Variants in RASEF observed in about 807,000 individuals in gnomAD.
The protein encoded by RASEF is ras and EF-hand domain-containing protein.
In RASEF, 68 loss-of-function variants were observed where a neutral mutation model predicts 90.1. The ratio of observed to expected loss-of-function variants is 0.75; its 90% CI spans 0.62 to 0.92. RASEF has a LOEUF of 0.92. Ranked by LOEUF, RASEF falls within the 40% of genes least tolerant of loss-of-function variation. The probability of loss-of-function intolerance (pLI) is 0.00; values close to 1 mark genes in which losing one functional copy is unlikely to be tolerated. For missense variants in RASEF, 949 were observed against 937.2 expected (o/e 1.01, Z -0.16); for synonymous variants, 331 against 345.2 (o/e 0.96, Z 0.46).
chr9:83,171,208 T>C, the RASEF span, among the ~76,000 whole-genome samples: 2 of 152,018 alleles, frequency 1.3e-5, no homozygotes, highest in African/African-American at 2.4e-5. Flanking sequence ...CCCTTGATTC[T>C]ATTAATGTGA....
chr9:83,075,722 T>A, the RASEF span, among the ~76,000 whole-genome samples: 7 of 152,142 alleles, frequency 4.6e-5, no homozygotes, highest in Non-Finnish European at 1.0e-4. Context: ...TGGAGAAATA[T>A]ACATTTTCTG....
intron 1 of RASEF, among the ~76,000 whole-genome samples, chr9:83,030,749 T>C (rs1329275858): frequency 2.0e-5 from 3 of 152,228 alleles, no homozygotes; most frequent in Non-Finnish European, 4.4e-5. Flanking sequence ...TGACTAGTTC[T>C]AGAAAACGGA....
chr9:83,049,530 T>C (rs901424418), intron 1 of RASEF, among the ~76,000 whole-genome samples: 4 of 20,386 alleles, frequency 2.0e-4, no homozygotes, highest in Non-Finnish European at 4.2e-4. Context: ...TCTGCCTTCC[T>C]TTTTTTTTTT....
chr9:83,054,499 C>T lies in RASEF; in HGVS notation c.431+7938G>A, dbSNP rs1385653377. Among the ~76,000 whole-genome samples the T allele has an allele frequency of 3.1e-5, 4 of 128,368 alleles. No individual in the cohort carries two copies. In the South Asian group the frequency reaches 8.3e-4, roughly 26 times the overall value. 84.2% of individuals were successfully genotyped at this position (128,368 alleles called of 152,430 possible). ...TTTGCCTTTGGTTTGAATGTCCTCC[C>T]GTAGCTCAGAGTAATTTGATCGTCT... On this transcript the variant is annotated intron_variant, in intron 1 of 16. Coordinates refer to ENST00000376447, the MANE Select transcript of RASEF (RefSeq NM_152573.4).
intron 1 of RASEF, among the ~76,000 whole-genome samples, chr9:83,061,242 C>T (rs1404943297): frequency 1.3e-5 from 2 of 152,136 alleles, no homozygotes; most frequent in African/African-American, 4.8e-5. Context: ...CTACACAACC[C>T]TTCTATGGCA....
chr9:83,193,812 A>G, the RASEF span, among the ~76,000 whole-genome samples: 1 of 152,284 alleles, frequency 6.6e-6, no homozygotes, highest in African/African-American at 2.4e-5. Context: ...CAGGTGAAAC[A>G]TCCAGAATAA....
chr9:83,130,596 C>T, the RASEF span, among the ~76,000 whole-genome samples: 2 of 152,182 alleles, frequency 1.3e-5, no homozygotes, highest in African/African-American at 2.4e-5. Flanking sequence ...CACATGGGAG[C>T]AACACACTAG....
the RASEF span, among the ~76,000 whole-genome samples, chr9:83,158,994 G>A: frequency 6.6e-6 from 1 of 151,100 alleles, no homozygotes; most frequent in African/African-American, 2.4e-5. Context: ...AGACCATCCT[G>A]GCTAACATGG....
chr9:83,205,899 T>C, the RASEF span, among the ~76,000 whole-genome samples: 1 of 152,216 alleles, frequency 6.6e-6, no homozygotes, highest in Admixed American at 6.5e-5. Context: ...TAGGACCTCC[T>C]ATAGCTGGTC....
the RASEF span, among the ~76,000 whole-genome samples, chr9:83,081,041 C>T: frequency 1.3e-5 from 2 of 152,074 alleles, no homozygotes; most frequent in African/African-American, 4.8e-5. Flanking sequence ...GTGTTCCAAG[C>T]CCCTAAGACC....
chr9:83,117,139 C>T, the RASEF span, among the ~76,000 whole-genome samples: 2 of 152,102 alleles, frequency 1.3e-5, no homozygotes, highest in Non-Finnish European at 2.9e-5. Flanking sequence ...CCATCATTTG[C>T]TTTGTTTTTA....
the RASEF span, among the ~76,000 whole-genome samples, chr9:83,086,163 G>A: frequency 1.3e-5 from 2 of 152,170 alleles, no homozygotes; most frequent in East Asian, 1.9e-4. Context: ...TTATGCGTAT[G>A]TGAAGAGGTA....
chr9:83,015,741 T>C (rs1829331544), intron 4 of RASEF, 64 bp downstream of exon 4: 2 of 1,180,524 alleles, frequency 1.7e-6, no homozygotes, highest in South Asian at 1.2e-5. Context: ...TTTTTGGTTG[T>C]TAATGGCTTA....
the RASEF span, among the ~76,000 whole-genome samples, chr9:83,205,509 T>C: frequency 6.6e-6 from 1 of 152,214 alleles, no homozygotes; most frequent in African/African-American, 2.4e-5. Flanking sequence ...TTCTCACCTG[T>C]TGAACTCCTA....
Position 83,012,454 on chromosome 9 carries a change from G to T in RASEF, c.823C>A (p.Gln275Lys). The T allele has an allele frequency of 6.3e-7, 1 of 1,579,290 alleles. No homozygotes were observed. Among genetic ancestry groups the T allele is most frequent in the Non-Finnish European group, 8.6e-7 (1 of 1,160,302 alleles). Residue 275 changes from glutamine (Q) to lysine (K), a missense_variant, in exon 5 of 17, where the codon CAA (glutamine) becomes AAA (lysine). Gln to Lys is a moderately conservative substitution (Grantham distance 53). Transcript: ENST00000376447. ...QKEDVAALKK[Q>K]IYDLSMENQK... Reference sequence around the variant, plus strand: ...CTTACCATTGATAAATCATAAATTTGTTTTTTCAATGCAGCCACATCTTCC... The same window carrying T: ...CTTACCATTGATAAATCATAAATTTTTTTTTTCAATGCAGCCACATCTTCC...
chr9:83,146,723 T>A, the RASEF span, among the ~76,000 whole-genome samples: 2 of 152,164 alleles, frequency 1.3e-5, no homozygotes, highest in East Asian at 3.9e-4. Flanking sequence ...AGTCATTGTA[T>A]CTAAAATCTC....
At chr9:83,091,211 G>A in the RASEF span, among the ~76,000 whole-genome samples, 4 of 152,138 alleles carry the variant, frequency 2.6e-5, no homozygotes, top group African/African-American at 9.7e-5. Context: ...CCCTATACCT[G>A]CACACGACCT....
At chr9:83,058,886 A>G (rs949879812) in intron 1 of RASEF, among the ~76,000 whole-genome samples, 1 of 152,190 alleles carries the variant, frequency 6.6e-6, no homozygotes, top group African/African-American at 2.4e-5. Flanking sequence ...ATGTAGAAAC[A>G]TCGCAAACCA....
At chr9:83,080,324 T>C in the RASEF span, among the ~76,000 whole-genome samples, 1 of 152,326 alleles carries the variant, frequency 6.6e-6, no homozygotes, top group South Asian at 2.1e-4. Flanking sequence ...ATGGTAAGAA[T>C]GGAAATGTAA....
Sources: gnomAD v4.1 joint callset for allele counts (sites outside exome capture counted in the v4.1 genomes callset) on GRCh38, gnomAD v4.1.1 for gene constraint, MANE v1.5 for transcripts, NCBI Gene and HGNC (gene_info 2026-07-23, HGNC 2026-07-21) for gene names.